The following FGF13 variants were observed in gnomAD, a reference collection of about 807,000 sequenced individuals.
FGF13 encodes fibroblast growth factor 13.
Under a neutral mutation model 19.5 loss-of-function variants are expected in FGF13, and 2 were observed. The observed-to-expected ratio is 0.10, with a 90% CI of 0.04 to 0.32. FGF13 has a LOEUF of 0.32. Among genes scored for constraint, FGF13 ranks in the 10% least tolerant of loss-of-function variants. The probability of loss-of-function intolerance (pLI) is 1.00; values close to 1 mark genes in which losing one functional copy is unlikely to be tolerated. For missense variants in FGF13, 113 were observed against 192.7 expected, an observed-to-expected ratio of 0.59 and a Z score of 2.45; for synonymous variants, 72 against 76.9, an observed-to-expected ratio of 0.94 and a Z score of 0.33.
At chrX:138,667,695 T>C (rs373209210) in intron 3 of FGF13, 54 of 367,275 alleles carry the variant, frequency 1.5e-4, no homozygotes, top group Non-Finnish European at 2.7e-4. Context: ...ACATTTGCCA[T>C]ACGGTGGTAG....
chrX:139,072,537 T>C (rs1007921562), intron 1 of FGF13, among the ~76,000 whole-genome samples: 1 of 112,048 alleles, frequency 8.9e-6, no homozygotes, highest in African/African-American at 3.2e-5. Flanking sequence ...TCTACGTTAA[T>C]AACTATTTTT....
chrX:138,884,359 A>T (rs1337708603), intron 1 of FGF13, among the ~76,000 whole-genome samples: 1 of 112,042 alleles, frequency 8.9e-6, no homozygotes, highest in Non-Finnish European at 1.9e-5. Context: ...GCTCATTCAG[A>T]GCCCATGCAA....
At chrX:138,819,573 C>A (rs1392835949) in intron 3 of FGF13, among the ~76,000 whole-genome samples, 1 of 111,161 alleles carries the variant, frequency 9.0e-6, no homozygotes, top group Non-Finnish European at 1.9e-5. Flanking sequence ...AGTGTGGAAG[C>A]CATTTCCCAG....
At chrX:138,863,295 T>C in intron 2 of FGF13, among the ~76,000 whole-genome samples, 1 of 111,804 alleles carries the variant, frequency 8.9e-6, no homozygotes, top group East Asian at 2.8e-4. Flanking sequence ...TCTAGGATAG[T>C]GCTTACTCAT....
chrX:138,773,087 T>G (rs1369652536), intron 3 of FGF13, among the ~76,000 whole-genome samples: 1 of 109,577 alleles, frequency 9.1e-6, no homozygotes, highest in Non-Finnish European at 1.9e-5. Flanking sequence ...ATGCCCTCAT[T>G]GAGAAATGAT....
At chrX:139,000,123 T>C (rs904213344) in intron 1 of FGF13, among the ~76,000 whole-genome samples, 1 of 111,864 alleles carries the variant, frequency 8.9e-6, no homozygotes, top group African/African-American at 3.3e-5. Flanking sequence ...AGGCCTTCTA[T>C]AAAATTCAAC....
At chrX:138,958,916 C>T (rs764602024) in intron 1 of FGF13, among the ~76,000 whole-genome samples, 2 of 110,883 alleles carry the variant, frequency 1.8e-5, no homozygotes, top group South Asian at 3.8e-4. Context: ...CTCTCTTTTC[C>T]TCTTTATTAG....
chrX:138,648,700 A>C (rs1198111790), intron 3 of FGF13, among the ~76,000 whole-genome samples: 1 of 111,438 alleles, frequency 9.0e-6, no homozygotes. Context: ...GCTTCCTCAC[A>C]CTGTGATTTA....
chrX:138,674,540 G>A (rs2089645774), intron 3 of FGF13, among the ~76,000 whole-genome samples: 1 of 111,081 alleles, frequency 9.0e-6, no homozygotes, highest in East Asian at 2.8e-4. Context: ...AGGAAAGAGA[G>A]AAGTGAAGAC....
intron 1 of FGF13, among the ~76,000 whole-genome samples, chrX:139,018,987 AC>A (rs1212472957): frequency 1.9e-4 from 21 of 110,734 alleles, no homozygotes; most frequent in African/African-American, 6.6e-4. Context: ...TCCCTCCTAG[AC>A]CCTCTTATCA....
rs762307324 is a variant in FGF13 at position 138,852,326 on chromosome X, G to A, written c.217+5186C>T. Among the ~76,000 whole-genome samples the A allele has an allele frequency of 4.5e-5, 5 of 110,641 alleles. No homozygotes were observed. The South Asian group carries it at 1.5e-3, about 34-fold the overall frequency. On this transcript the variant is annotated intron_variant, in intron 3 of 6. Coordinates refer to the FGF13 transcript ENST00000436198. ...ACCTGACTTCAAAGTATACTGTAAC[G>A]GTACAGCATGGTACTGGTACAAAAG...
chrX:139,066,971 T>C (rs1319934135), intron 1 of FGF13, among the ~76,000 whole-genome samples: 1 of 111,639 alleles, frequency 9.0e-6, no homozygotes, highest in East Asian at 2.8e-4. Flanking sequence ...GCAAGGCTGG[T>C]TCAACATACA....
chrX:138,886,716 G>A (rs1453964156), intron 1 of FGF13, among the ~76,000 whole-genome samples: 1 of 111,882 alleles, frequency 8.9e-6, no homozygotes, highest in Non-Finnish European at 1.9e-5. Context: ...GGTAAATCTG[G>A]CCTCTCAGTA....
In FGF13 at chrX:138,892,032, G is replaced by GTGTGTGTGTA. The variant is rs1569419135; in HGVS notation, c.-112-27383_-112-27382insTACACACACA. ...TGTGTGTGTGTGTGTGTGTGTGTGT[G>GTGTGTGTGTA]TATTATCTCCTACTAGTTCTGTCCC... On this transcript the variant is annotated intron_variant, in intron 1 of 2. Transcript: ENST00000421460. Among the ~76,000 whole-genome samples, 651 of 108,334 alleles carry GTGTGTGTGTA rather than the reference G, an allele frequency of 6.0e-3. 8 individuals are homozygous for GTGTGTGTGTA. The highest frequency in any genetic ancestry group is 0.021 in the African/African-American group (620 of 29,204). The allele number at this position is 108,334 out of a possible 115,157, so 94.1% of individuals were successfully genotyped here.
At chrX:138,901,078 A>G (rs1467751927) in intron 1 of FGF13, among the ~76,000 whole-genome samples, 1 of 111,936 alleles carries the variant, frequency 8.9e-6, no homozygotes, top group Non-Finnish European at 1.9e-5. Flanking sequence ...TTAGGTGTAT[A>G]TTGGCTTCCA....
chrX:138,756,811 T>C (rs1048342012), intron 3 of FGF13, among the ~76,000 whole-genome samples: 2 of 111,304 alleles, frequency 1.8e-5, no homozygotes, highest in African/African-American at 6.5e-5. Flanking sequence ...CTAATCCTCC[T>C]TCCCCAACAT....
At chrX:138,663,296 T>A (rs2089507473) in intron 3 of FGF13, among the ~76,000 whole-genome samples, 1 of 111,572 alleles carries the variant, frequency 9.0e-6, no homozygotes, top group Non-Finnish European at 1.9e-5. Context: ...CAGTCAGAAG[T>A]GTGGTGAGGC....
chrX:138,966,109 C>G (rs1418798719), intron 1 of FGF13, among the ~76,000 whole-genome samples: 1 of 111,566 alleles, frequency 9.0e-6, no homozygotes, highest in African/African-American at 3.3e-5. Context: ...CTGGGAGAAG[C>G]AGACCCACTC....
intron 3 of FGF13, among the ~76,000 whole-genome samples, chrX:138,663,434 A>G (rs1209448792): frequency 8.9e-6 from 1 of 111,814 alleles, no homozygotes; most frequent in Non-Finnish European, 1.9e-5. Context: ...GATAGTTGAA[A>G]GTTGACTAAC....
Sources: allele counts gnomAD v4.1 joint callset (sites outside exome capture counted in the v4.1 genomes callset), GRCh38; gene constraint gnomAD v4.1.1; transcripts MANE v1.5; gene names NCBI Gene and HGNC (gene_info 2026-07-23, HGNC 2026-07-21).